Variants in AP5Z1 observed in about 807,000 individuals in gnomAD.
The protein encoded by AP5Z1 is adaptor related protein complex 5 subunit zeta 1.
In AP5Z1, 106 loss-of-function variants were observed where a neutral mutation model predicts 83.0. The ratio of observed to expected loss-of-function variants is 1.28; its 90% CI spans 1.09 to 1.50. AP5Z1 has a LOEUF of 1.50. Ranked by LOEUF, AP5Z1 falls within the 40% of genes most tolerant of loss-of-function variation. AP5Z1 has a pLI of 0.00. For synonymous variants in AP5Z1, 751 were observed against 514.1 expected (o/e 1.46, Z -6.23); for missense variants, 1,565 against 1,094.2 (o/e 1.43, Z -6.07).
At chr7:4,778,990 C>T (rs1328309360) in intron 1 of AP5Z1, among the ~76,000 whole-genome samples, 1 of 146,370 alleles carries the variant, frequency 6.8e-6, no homozygotes, top group African/African-American at 2.5e-5. Flanking sequence ...GAGATTATGC[C>T]ACTGCACTCC....
chr7:4,782,676 C>T (rs1241436891), intron 3 of AP5Z1, among the ~76,000 whole-genome samples: 1 of 152,166 alleles, frequency 6.6e-6, no homozygotes, highest in Non-Finnish European at 1.5e-5. Flanking sequence ...CAGGCCACCT[C>T]CAGGCCTCCG....
At chr7:4,786,138 G>C (rs550796831) in intron 9 of AP5Z1, 112 bp from the exon 10 acceptor site, 11 of 1,180,978 alleles carry the variant, frequency 9.3e-6, no homozygotes, top group African/African-American at 1.5e-5. Flanking sequence ...GGACGCCTCG[G>C]AGCCCTTGGT....
chr7:4,790,482 C>A lies in AP5Z1; in HGVS notation c.1829C>A (p.Ala610Asp). ...AGTGTGCTGAGTTCTCAGTTCCTGG[C>A]CCTGTGTACGCTGAAACCCTCCCTG... is the stretch of plus-strand genomic sequence containing the variant. Reference protein sequence around the residue: ...VHSVLSSQFLALCTLKPSLVV... With the variant: ...VHSVLSSQFLDLCTLKPSLVV... Residue 610 changes from alanine to aspartate, a missense_variant, in exon 15 of 17, where the codon GCC (alanine) becomes GAC (aspartate). Transcript: ENST00000649063. 1 of 1,613,164 alleles carries A rather than the reference C, an allele frequency of 6.2e-7. No homozygotes were observed. The highest frequency in any genetic ancestry group is 8.5e-7 in the Non-Finnish European group (1 of 1,179,856).
chr7:4,785,181 G>C, intron 7 of AP5Z1, 133 bp downstream of exon 7: 2 of 1,422,964 alleles, frequency 1.4e-6, no homozygotes, highest in Non-Finnish European at 1.9e-6. Flanking sequence ...GTTTGGAGCA[G>C]GGGCATTTTT....
chr7:4,787,749 T>G lies in AP5Z1; in HGVS notation c.1427T>G (p.Leu476Trp). The change falls in exon 11 of 17, where the codon TTG becomes TGG. Residue 476 changes from leucine (L) to tryptophan (W), a missense_variant. Coordinates refer to ENST00000649063, the MANE Select transcript of AP5Z1 (RefSeq NM_014855.3). ...MLHALLDLPC[L>W]TAVLDLQLRS... is the part of the protein sequence containing the mutation. ...CACGCGCTGCTGGACCTGCCCTGCT[T>G]GACGGCGGTGCTGGACCTGCAGCTC... 2 of 1,542,936 alleles carry G rather than the reference T, an allele frequency of 1.3e-6. No individual in the cohort carries two copies. The highest frequency in any genetic ancestry group is 1.7e-6 in the Non-Finnish European group (2 of 1,147,796).
At position 4,789,946 on chromosome 7, in the gene AP5Z1, C is replaced by G; in HGVS notation, c.1805+17C>G. 6.6e-7 allele frequency: 1 copy of G among 1,517,930 alleles called. No individual in the cohort carries two copies. The highest frequency in any genetic ancestry group is 8.9e-7 in the Non-Finnish European group (1 of 1,127,128). 94.0% of individuals were successfully genotyped at this position (1,517,930 alleles called of 1,614,324 possible). ...TGTGCACAGGTAGGTCCCTCCTGCG[C>G]TCCTGCCACAGCCCTGGGCGGGTGC... is the stretch of plus-strand genomic sequence containing the variant. On this transcript the variant is annotated intron_variant, in intron 14 of 16. Coordinates refer to ENST00000649063, the MANE Select transcript of AP5Z1 (RefSeq NM_014855.3).
chr7:4,785,807 G>C (rs1379558916), intron 9 of AP5Z1, 123 bp downstream of exon 9: 8 of 1,288,692 alleles, frequency 6.2e-6, no homozygotes, highest in Non-Finnish European at 7.0e-6. Context: ...GGGTCTTGCT[G>C]TGTTGCCCAG....
At chr7:4,790,153 C>T (rs918366416) in intron 14 of AP5Z1, 6 of 1,505,052 alleles carry the variant, frequency 4.0e-6, no homozygotes, top group Middle Eastern at 1.7e-4. Flanking sequence ...AGCCTGTCCT[C>T]TTCAGGGTTA....
At chr7:4,787,866 C>A in intron 11 of AP5Z1, 90 bp downstream of exon 11, 1 of 1,414,202 alleles carries the variant, frequency 7.1e-7, no homozygotes, top group Non-Finnish European at 9.4e-7. Context: ...GACCCCTACA[C>A]CGGGGACCCT....
chr7:4,788,949 C>A lies in AP5Z1; in HGVS notation c.1705C>A (p.Gln569Lys). Residue 569 changes from glutamine to lysine, a missense_variant and splice_region_variant, in exon 13 of 17, where the codon CAG (glutamine) becomes AAG (lysine). Coordinates refer to ENST00000649063, the MANE Select transcript of AP5Z1 (RefSeq NM_014855.3). ...LLQAFFSAVT[Q>K]VADGSLINQL... Reference sequence around the variant, plus strand: ...GCAGGCATTCTTCTCAGCAGTGACCCAGGTGAGCTCGCTGCCTGGGGCCCC... The same window carrying A: ...GCAGGCATTCTTCTCAGCAGTGACCAAGGTGAGCTCGCTGCCTGGGGCCCC... The A allele has an allele frequency of 6.2e-7, 1 of 1,610,442 alleles. No homozygotes were observed. The highest frequency in any genetic ancestry group is 8.5e-7 in the Non-Finnish European group (1 of 1,179,162).
chr7:4,783,053 G>T (rs1373090117), intron 3 of AP5Z1, among the ~76,000 whole-genome samples: 1 of 152,224 alleles, frequency 6.6e-6, no homozygotes, highest in African/African-American at 2.4e-5. Flanking sequence ...GTGGCCGCCA[G>T]TGTGTTTTTA....
intron 1 of AP5Z1, among the ~76,000 whole-genome samples, chr7:4,780,192 A>G (rs1781341943): frequency 6.6e-6 from 1 of 152,198 alleles, no homozygotes; most frequent in Admixed American, 6.5e-5. Flanking sequence ...ACAGGCTTCC[A>G]TTTGGGACTT....
At chr7:4,781,023 T>TTATC (rs1416845585) in intron 1 of AP5Z1, among the ~76,000 whole-genome samples, 152 bp from the exon 2 acceptor site, 1 of 152,102 alleles carries the variant, frequency 6.6e-6, no homozygotes, top group Non-Finnish European at 1.5e-5. Context: ...ATCAGCGAAT[T>TTATC]TATCTCGAGA....
Position 4,775,663 on chromosome 7 carries a change from G to A in AP5Z1, c.-53G>A. ...GTTGACCGGGGTGCGGAGCTCCTGG[G>A]CTGCAGCTCCTGGAGTTTCCGAGGT... On this transcript the variant is annotated 5_prime_UTR_variant, in exon 1 of 17. Transcript: ENST00000649063. 1.2e-6 allele frequency: 2 copies of A among 1,602,848 alleles called. No individual in the cohort carries two copies. The highest frequency in any genetic ancestry group is 1.3e-5 in the African/African-American group (1 of 75,014).
chr7:4,791,392 A>G lies in AP5Z1; in HGVS notation c.*7A>G, dbSNP rs774520916. On this transcript the variant is annotated 3_prime_UTR_variant, in exon 17 of 17. Transcript: ENST00000649063. ...CGGCCTCATGCCAGGGTGAAGGGAC[A>G]GTGGCCAGGGACTTCGGTGCAGATT... 134 of 1,600,492 alleles carry G rather than the reference A, an allele frequency of 8.4e-5. 1 individual carries two copies. In the Middle Eastern group the frequency reaches 2.8e-3, roughly 33 times the overall value.
In AP5Z1 at chr7:4,789,875, T is replaced by C. The variant is rs1355732704; in HGVS notation, c.1751T>C (p.Leu584Pro). The C allele has an allele frequency of 6.4e-7, 1 of 1,553,052 alleles. No homozygotes were observed. Among genetic ancestry groups the C allele is most frequent in the African/African-American group, 1.4e-5 (1 of 73,252 alleles). Residue 584 changes from leucine (L) to proline (P), a missense_variant, in exon 14 of 17, where the codon CTG becomes CCG. Transcript: ENST00000649063. ...ATCAACCAGCTGGCGCTGCTGCTCC[T>C]GGGCAGGAGCGACTCGCTCTACCCG... ...SLINQLALLL[L>P]GRSDSLYPAP...
chr7:4,787,660 C>T lies in AP5Z1; in HGVS notation c.1338C>T (p.Leu446=), dbSNP rs1254994728. ...FKFLAWNSPP[L]TSEFVALLPA... is the part of the protein sequence containing the mutation. The stretch of plus-strand genomic sequence containing the variant: ...TCCTGGCCTGGAACAGCCCACCCCT[C>T]ACCTCCGAGTTTGTGGCGCTCCTCC... The change falls in exon 11 of 17, where the codon CTC becomes CTT. Residue 446 remains leucine (L), a synonymous_variant. Transcript: ENST00000649063. The T allele has an allele frequency of 5.2e-6, 8 of 1,553,286 alleles. No homozygotes were observed. Among genetic ancestry groups the T allele is most frequent in the Non-Finnish European group, 7.0e-6 (8 of 1,149,002 alleles).
At chr7:4,788,064 T>G (rs767003473) in intron 11 of AP5Z1, 90 bp from the exon 12 acceptor site, 1 of 1,439,798 alleles carries the variant, frequency 6.9e-7, no homozygotes, top group Non-Finnish European at 9.2e-7. Flanking sequence ...GCTGTGATAT[T>G]AGGGACACCT....
intron 1 of AP5Z1, among the ~76,000 whole-genome samples, chr7:4,778,493 G>T (rs149041852): frequency 2.2e-4 from 34 of 152,174 alleles, no homozygotes; most frequent in Non-Finnish European, 4.6e-4. Flanking sequence ...AGAAGCAAAA[G>T]AAACAGGACA....
Sources: gnomAD v4.1 joint callset for allele counts (sites outside exome capture counted in the v4.1 genomes callset) on GRCh38, gnomAD v4.1.1 for gene constraint, MANE v1.5 for transcripts, NCBI Gene and HGNC (gene_info 2026-07-23, HGNC 2026-07-21) for gene names.